PHF14: variants seen among roughly 807,000 people sequenced by gnomAD.
The protein encoded by PHF14 is PHD finger protein 14.
PHF14 carries 55 observed loss-of-function variants against 117.9 expected under a neutral mutation model. The ratio of observed to expected loss-of-function variants is 0.47; its 90% CI spans 0.38 to 0.58. PHF14 has a LOEUF of 0.58. PHF14 is among the 20% of genes least tolerant of loss of function. The pLI is 0.00. For missense variants in PHF14, 978 were observed against 1,122.2 expected, an observed-to-expected ratio of 0.87 and a Z score of 1.84; for synonymous variants, 409 against 368.6, an observed-to-expected ratio of 1.11 and a Z score of -1.26.
At chr7:11,076,376 G>C (rs1017407484) in intron 16 of PHF14, among the ~76,000 whole-genome samples, 2 of 152,030 alleles carry the variant, frequency 1.3e-5, no homozygotes, top group Non-Finnish European at 2.9e-5. Flanking sequence ...TGAGGCTTCA[G>C]TGCTATAACC....
At chr7:11,019,266 A>T (rs1195229646) in intron 5 of PHF14, among the ~76,000 whole-genome samples, 1 of 152,152 alleles carries the variant, frequency 6.6e-6, no homozygotes, top group Non-Finnish European at 1.5e-5. Flanking sequence ...GTTTGGAAAT[A>T]TTCCCTCTTC....
chr7:11,100,218 T>C lies in PHF14; in HGVS notation c.2655-11132T>C, dbSNP rs1476453711. On this transcript the variant is annotated intron_variant, in intron 16 of 17. Coordinates refer to ENST00000634607, the MANE Select transcript of PHF14 (RefSeq NM_001007157.2). ...AAATAGACATAATAATGAAACGAGG[T>C]GAACTGAATTTGAAAATAGGACTGG... 2.0e-5 allele frequency among the ~76,000 whole-genome samples: 3 copies of C among 152,206 alleles called. No homozygotes were observed. The East Asian group carries it at 5.8e-4, about 29-fold the overall frequency.
At chr7:11,025,860 C>A (rs1783889856) in intron 6 of PHF14, among the ~76,000 whole-genome samples, 5 of 151,904 alleles carry the variant, frequency 3.3e-5, no homozygotes. Flanking sequence ...GCCTGTAATC[C>A]CGACACTTTG....
intron 17 of PHF14, among the ~76,000 whole-genome samples, chr7:11,160,453 G>T (rs1330069330): frequency 6.6e-6 from 1 of 152,044 alleles, no homozygotes; most frequent in Non-Finnish European, 1.5e-5. Flanking sequence ...TAGTAGTTCT[G>T]TTCTTAGATA....
chr7:10,983,246 C>A, intron 3 of PHF14, 87 bp downstream of exon 3: 1 of 1,421,620 alleles, frequency 7.0e-7, no homozygotes, highest in Non-Finnish European at 9.4e-7. Flanking sequence ...TAAGTGGCTT[C>A]CTTGAAATCC....
chr7:11,064,061 A>G (rs530203495), intron 16 of PHF14, among the ~76,000 whole-genome samples: 5 of 152,048 alleles, frequency 3.3e-5, no homozygotes, highest in South Asian at 2.1e-4. Context: ...TAAATGTTTT[A>G]TTGGTACTAT....
Position 11,007,366 on chromosome 7 carries a change from G to A in PHF14, c.1046-6381G>A, listed in dbSNP as rs530284460. On this transcript the variant is annotated intron_variant, in intron 4 of 17. Coordinates refer to ENST00000634607, the MANE Select transcript of PHF14 (RefSeq NM_001007157.2). Reference sequence around the variant, plus strand: ...ATCCTGTTCTGTATCCTTTAACTTTGTGATTTTTTATTGTTTACAATTTTC... The same window carrying A: ...ATCCTGTTCTGTATCCTTTAACTTTATGATTTTTTATTGTTTACAATTTTC... Among the ~76,000 whole-genome samples, 4 of 151,612 alleles carry A rather than the reference G, an allele frequency of 2.6e-5. 1 individual carries two copies. The South Asian group carries it at 8.3e-4, about 32-fold the overall frequency.
At chr7:11,117,626 T>G (rs1415044278) in intron 17 of PHF14, among the ~76,000 whole-genome samples, 1 of 147,428 alleles carries the variant, frequency 6.8e-6, no homozygotes, top group Non-Finnish European at 1.5e-5. Flanking sequence ...TATTTGTATG[T>G]ATAAATATGT....
chr7:11,099,783 CTG>C (rs1166949044), intron 16 of PHF14, among the ~76,000 whole-genome samples: 2 of 151,956 alleles, frequency 1.3e-5, no homozygotes, highest in South Asian at 2.1e-4. Context: ...ACTTTTATAA[CTG>C]AGAGATTTCA....
At chr7:11,030,794 G>A (rs1784095746) in intron 7 of PHF14, among the ~76,000 whole-genome samples, 2 of 152,108 alleles carry the variant, frequency 1.3e-5, no homozygotes, top group Admixed American at 1.3e-4. Flanking sequence ...CTTACTCAGT[G>A]TGCTGTTGTT....
At chr7:11,132,636 C>T (rs1378729860) in intron 17 of PHF14, among the ~76,000 whole-genome samples, 1 of 151,570 alleles carries the variant, frequency 6.6e-6, no homozygotes, top group African/African-American at 2.4e-5. Flanking sequence ...GTCATATGGT[C>T]TTTCTATTTT....
chr7:10,984,495 A>C (rs1332381085), intron 3 of PHF14, among the ~76,000 whole-genome samples: 1 of 152,198 alleles, frequency 6.6e-6, no homozygotes, highest in African/African-American at 2.4e-5. Context: ...ACAGGCATGG[A>C]AAAATCTAAT....
intron 13 of PHF14, among the ~76,000 whole-genome samples, chr7:11,050,526 A>G (rs1435306669): frequency 6.6e-6 from 1 of 152,160 alleles, no homozygotes; most frequent in East Asian, 1.9e-4. Context: ...AATGTTAGCC[A>G]CTAGCCACAT....
rs543754214 is a variant in PHF14, at chr7:11,145,788, A to T, written c.2773-23628A>T. 2.0e-5 allele frequency among the ~76,000 whole-genome samples: 3 copies of T among 152,254 alleles called. No homozygotes were observed. The East Asian group carries it at 5.8e-4, about 29-fold the overall frequency. ...TATTATCTTATTTTATTAAAACAGTAAATTAACATCATAGATGCCTAAACC... is the reference window on the plus strand; with the variant it reads ...TATTATCTTATTTTATTAAAACAGTTAATTAACATCATAGATGCCTAAACC... On this transcript the variant is annotated intron_variant, in intron 17 of 17. Transcript: ENST00000634607.
At chr7:11,015,034 T>C (rs889275523) in intron 5 of PHF14, 2 of 151,974 alleles carry the variant, frequency 1.3e-5, no homozygotes, top group African/African-American at 4.8e-5. Context: ...ATTTTTATTT[T>C]GTCACATAAG....
chr7:11,012,787 A>G lies in PHF14; in HGVS notation c.1046-960A>G, dbSNP rs376995766. ...AGAGAATGACATATTGTTTTCATCC[A>G]TTTCAGTTATAGACAAATTTTCACA... On this transcript the variant is annotated intron_variant, in intron 4 of 17. Transcript: ENST00000634607. 4.3e-4 allele frequency among the ~76,000 whole-genome samples: 65 copies of G among 152,324 alleles called. 1 individual carries two copies. In the East Asian group the frequency reaches 7.1e-3, roughly 17 times the overall value.
At chr7:11,079,971 A>G (rs535141868) in intron 16 of PHF14, among the ~76,000 whole-genome samples, 9 of 152,176 alleles carry the variant, frequency 5.9e-5, no homozygotes, top group Non-Finnish European at 1.3e-4. Context: ...GCATATTGCT[A>G]GAGCTGATTA....
intron 17 of PHF14, among the ~76,000 whole-genome samples, chr7:11,128,720 C>CCTCCCGTTCTCCTTCCGTCT (rs1218088054): frequency 4.0e-5 from 6 of 151,232 alleles, no homozygotes; most frequent in Non-Finnish European, 5.9e-5. Flanking sequence ...CCACTGCTTT[C>CCTCCCGTTCTCCTTCCGTCT]CTCCCGTTCT....
intron 14 of PHF14, among the ~76,000 whole-genome samples, chr7:11,055,064 G>A (rs879315018): frequency 2.0e-5 from 3 of 152,030 alleles, no homozygotes; most frequent in Non-Finnish European, 4.4e-5. Context: ...TTCTTCTTAT[G>A]TTTCATCAGT....
Sources: allele counts gnomAD v4.1 joint callset (sites outside exome capture counted in the v4.1 genomes callset), GRCh38; gene constraint gnomAD v4.1.1; transcripts MANE v1.5; gene names NCBI Gene and HGNC (gene_info 2026-07-23, HGNC 2026-07-21).